SRPK1: variants seen among roughly 807,000 people sequenced by gnomAD.
SRPK1 encodes the protein SRSF protein kinase 1, also known as SFRS protein kinase 1.
In SRPK1, 52 loss-of-function variants were observed where a neutral mutation model predicts 89.5. The observed-to-expected ratio is 0.58, with a 90% CI of 0.46 to 0.73. The LOEUF (loss-of-function observed/expected upper bound fraction) is 0.73, where lower values mean the gene tolerates loss of function less well. Among genes scored for constraint, SRPK1 ranks in the 30% least tolerant of loss-of-function variants. SRPK1 has a pLI of 0.00. For missense variants in SRPK1, 603 were observed against 780.6 expected (o/e 0.77, Z 2.71); for synonymous variants, 255 against 270.2 (o/e 0.94, Z 0.55).
At chr6:35,850,875 C>T (rs1769540000) in intron 13 of SRPK1, among the ~76,000 whole-genome samples, 1 of 152,118 alleles carries the variant, frequency 6.6e-6, no homozygotes, top group African/African-American at 2.4e-5. Context: ...GAACAAAGAC[C>T]TGCATTAGGT....
chr6:35,874,366 A>C (rs1476747584), intron 6 of SRPK1, 27 bp from the exon 7 acceptor site: 1 of 1,527,168 alleles, frequency 6.5e-7, no homozygotes, highest in African/African-American at 1.4e-5. Context: ...GAGGGAAAAA[A>C]CGGCACAAAA....
At chr6:35,843,342 A>T (rs898757645) in intron 13 of SRPK1, among the ~76,000 whole-genome samples, 184 of 152,156 alleles carry the variant, frequency 1.2e-3, no homozygotes, top group African/African-American at 3.7e-3. Context: ...ATCAAAAAAA[A>T]AAAAAAATTC....
At chr6:35,881,426 C>CATATAGATATAGATATAG (rs56083624) in intron 6 of SRPK1, among the ~76,000 whole-genome samples, 47 of 147,206 alleles carry the variant, frequency 3.2e-4, no homozygotes, top group Middle Eastern at 3.5e-3. Context: ...GTAGAATACA[C>CATATAGATATAGATATAG]ATATAGATAT....
At chr6:35,897,586 C>G in intron 2 of SRPK1, among the ~76,000 whole-genome samples, 1 of 152,214 alleles carries the variant, frequency 6.6e-6, no homozygotes, top group East Asian at 1.9e-4. Flanking sequence ...GCTATCACGG[C>G]TCCCTCCAGC....
At chr6:35,866,693 G>A (rs1769912334) in intron 12 of SRPK1, among the ~76,000 whole-genome samples, 1 of 152,038 alleles carries the variant, frequency 6.6e-6, no homozygotes, top group Non-Finnish European at 1.5e-5. Context: ...CTGCACAAAG[G>A]AAAATAAATC....
chr6:35,908,745 G>T (rs189418072), intron 2 of SRPK1, among the ~76,000 whole-genome samples: 2 of 152,168 alleles, frequency 1.3e-5, no homozygotes, highest in Non-Finnish European at 2.9e-5. Context: ...AGAAAATGTC[G>T]TCAGGGCATG....
chr6:35,898,544 G>A (rs993494160), intron 2 of SRPK1, among the ~76,000 whole-genome samples: 5 of 152,064 alleles, frequency 3.3e-5, no homozygotes, highest in African/African-American at 1.2e-4. Flanking sequence ...TTTAAGTTAT[G>A]TATTACTATA....
intron 13 of SRPK1, among the ~76,000 whole-genome samples, chr6:35,845,278 A>T (rs1439688207): frequency 6.6e-6 from 1 of 151,940 alleles, no homozygotes; most frequent in Non-Finnish European, 1.5e-5. Context: ...TGATGTGCCA[A>T]TGTAGGTTCA....
chr6:35,863,789 C>CT (rs1769838119), intron 12 of SRPK1, among the ~76,000 whole-genome samples: 1 of 152,084 alleles, frequency 6.6e-6, no homozygotes, highest in Admixed American at 6.5e-5. Context: ...CATTAATGAG[C>CT]AATAAGTAAT....
At chr6:35,900,014 T>A (rs1284633393) in intron 2 of SRPK1, among the ~76,000 whole-genome samples, 20 of 147,770 alleles carry the variant, frequency 1.4e-4, no homozygotes, top group East Asian at 2.0e-4. Context: ...AAAAAAATAA[T>A]AATAATAAAA....
rs1267123739 is a variant in SRPK1 at position 35,874,311 on chromosome 6, C to T, written c.507G>A (p.Gly169=). The change falls in exon 7 of 16, where the codon GGG becomes GGA. Residue 169 remains glycine, a synonymous_variant. Coordinates refer to ENST00000373825, the MANE Select transcript of SRPK1 (RefSeq NM_003137.5). ...TGATGATCCACTTGAGCAGATGATG[C>T]CCCAAAACTTCAAATACCATGCAGA... ...THICMVFEVL[G]HHLLKWIIKS... 1.9e-6 allele frequency: 3 copies of T among 1,612,912 alleles called. No homozygotes were observed. Among genetic ancestry groups the T allele is most frequent in the Non-Finnish European group, 2.5e-6 (3 of 1,179,454 alleles).
intron 2 of SRPK1, among the ~76,000 whole-genome samples, chr6:35,915,292 G>A (rs1280805626): frequency 2.6e-5 from 4 of 151,068 alleles, no homozygotes; most frequent in Non-Finnish European, 4.4e-5. Flanking sequence ...CTGTAGTCCC[G>A]GCTACTCGGG....
chr6:35,901,247 C>T (rs1770733295), intron 2 of SRPK1, among the ~76,000 whole-genome samples: 1 of 152,112 alleles, frequency 6.6e-6, no homozygotes, highest in East Asian at 1.9e-4. Flanking sequence ...TATTTAGATA[C>T]AGGGTGGGTC....
At chr6:35,913,969 CTTTTTTTTTT>C (rs545555860) in intron 2 of SRPK1, among the ~76,000 whole-genome samples, 14 of 92,934 alleles carry the variant, frequency 1.5e-4, no homozygotes, top group African/African-American at 3.2e-4. Context: ...GATACTTTCT[CTTTTTTTTTT>C]TTTTTTTTTT....
At chr6:35,836,623 C>T (rs1454331816) in intron 15 of SRPK1, among the ~76,000 whole-genome samples, 1 of 151,890 alleles carries the variant, frequency 6.6e-6, no homozygotes, top group Non-Finnish European at 1.5e-5. Context: ...TGTATGGTGG[C>T]ACATGCCTGT....
At chr6:35,894,341 G>A (rs188006328) in intron 2 of SRPK1, among the ~76,000 whole-genome samples, 12 of 152,264 alleles carry the variant, frequency 7.9e-5, no homozygotes, top group Non-Finnish European at 1.8e-4. Flanking sequence ...AAATAAACTT[G>A]ACCATTCCCT....
chr6:35,847,613 A>G (rs1401788700), intron 13 of SRPK1, among the ~76,000 whole-genome samples: 2 of 152,162 alleles, frequency 1.3e-5, no homozygotes, highest in Non-Finnish European at 2.9e-5. Context: ...ACACACAAAA[A>G]TCAGCAGCAT....
rs757149665 is a variant in SRPK1 at position 35,888,765 on chromosome 6, A to G, written c.302+50T>C. On this transcript the variant is annotated intron_variant, in intron 4 of 15. Transcript: ENST00000373825. Reference sequence around the variant, plus strand: ...ATCAGCAGTGGAAACTCAGACAAACACATTTAGACATCATCTAACTAATTC... The same window carrying G: ...ATCAGCAGTGGAAACTCAGACAAACGCATTTAGACATCATCTAACTAATTC... 2.5e-6 allele frequency: 3 copies of G among 1,180,416 alleles called. No homozygotes were observed. In the African/African-American group the frequency reaches 4.5e-5, roughly 18 times the overall value. 73.1% of individuals were successfully genotyped at this position (1,180,416 alleles called of 1,614,324 possible).
intron 14 of SRPK1, among the ~76,000 whole-genome samples, chr6:35,840,440 T>A (rs1769281821): frequency 6.6e-6 from 1 of 152,148 alleles, no homozygotes; most frequent in Non-Finnish European, 1.5e-5. Flanking sequence ...CCATTAACAA[T>A]AACAAAAATA....
Sources: gnomAD v4.1 joint callset for allele counts (sites outside exome capture counted in the v4.1 genomes callset) on GRCh38, gnomAD v4.1.1 for gene constraint, MANE v1.5 for transcripts, NCBI Gene and HGNC (gene_info 2026-07-23, HGNC 2026-07-21) for gene names.